Variants in RASGEF1A observed in about 807,000 individuals in gnomAD.
RASGEF1A encodes ras-GEF domain-containing family member 1A.
RASGEF1A carries 18 observed loss-of-function variants against 56.4 expected under a neutral mutation model. That is an observed-to-expected ratio of 0.32 (90% CI 0.22 to 0.47). RASGEF1A has a LOEUF of 0.47. RASGEF1A is among the 20% of genes least tolerant of loss of function. The pLI, the probability that RASGEF1A is intolerant of heterozygous loss-of-function variation, is 1.00. For synonymous variants in RASGEF1A, 245 were observed against 242.6 expected, an observed-to-expected ratio of 1.01 and a Z score of -0.09; for missense variants, 422 against 627.1, an observed-to-expected ratio of 0.67 and a Z score of 3.49.
intron 1 of RASGEF1A, among the ~76,000 whole-genome samples, chr10:43,213,400 T>G (rs528378040): frequency 4.6e-5 from 7 of 151,890 alleles, no homozygotes; most frequent in African/African-American, 7.2e-5. Context: ...GAAAAAAGCA[T>G]AGAGAGCAAG....
At chr10:43,199,555 T>C (rs1054077045) in intron 7 of RASGEF1A, 121 bp downstream of exon 7, 1 of 787,904 alleles carries the variant, frequency 1.3e-6, no homozygotes, top group Non-Finnish European at 2.1e-6. Context: ...GCCCTGACAA[T>C]GCAACAGGGA....
intron 1 of RASGEF1A, among the ~76,000 whole-genome samples, chr10:43,218,939 G>A (rs747281031): frequency 9.2e-5 from 14 of 152,314 alleles, no homozygotes; most frequent in South Asian, 2.1e-4. Context: ...TCCTCTTCAC[G>A]CTCCTCAGAT....
chr10:43,228,056 C>T (rs1365405063), intron 1 of RASGEF1A, among the ~76,000 whole-genome samples: 1 of 152,122 alleles, frequency 6.6e-6, no homozygotes, highest in African/African-American at 2.4e-5. Context: ...GGGAGCACAT[C>T]CTGCTCCACC....
intron 1 of RASGEF1A, among the ~76,000 whole-genome samples, chr10:43,241,972 C>T (rs1221722053): frequency 1.3e-5 from 2 of 152,070 alleles, no homozygotes; most frequent in Non-Finnish European, 2.9e-5. Flanking sequence ...CCCATCTCTA[C>T]TAAAAATACA....
intron 1 of RASGEF1A, among the ~76,000 whole-genome samples, chr10:43,236,420 G>A (rs139653824): frequency 3.9e-5 from 6 of 152,226 alleles, no homozygotes; most frequent in Non-Finnish European, 5.9e-5. Flanking sequence ...GCATAGGCAT[G>A]GGTGTGTGTA....
chr10:43,199,189 C>T lies in RASGEF1A; in HGVS notation c.855G>A (p.Val285=), dbSNP rs1839851687. Reference sequence around the variant, plus strand: ...ACATGCGGGTCCGGTGTTTCTTCTTCACCACCTGGAAGGTGGCAGGTGACC... The same window carrying T: ...ACATGCGGGTCCGGTGTTTCTTCTTTACCACCTGGAAGGTGGCAGGTGACC... The part of the protein sequence containing the change: ...MLVATEVCRV[V]KKKHRTRMLE... Residue 285 remains valine, a synonymous_variant, in exon 8 of 13, where the codon GTG becomes GTA. Coordinates refer to ENST00000395810, the MANE Select transcript of RASGEF1A (RefSeq NM_145313.4). The T allele has an allele frequency of 1.2e-6, 2 of 1,607,994 alleles. No individual in the cohort carries two copies. The highest frequency in any genetic ancestry group is 8.5e-7 in the Non-Finnish European group (1 of 1,176,998).
intron 1 of RASGEF1A, among the ~76,000 whole-genome samples, chr10:43,265,491 A>G (rs1200529049): frequency 1.3e-5 from 2 of 152,212 alleles, no homozygotes; most frequent in East Asian, 1.9e-4. Context: ...AAGGACACAC[A>G]CTGGCTGGAG....
intron 1 of RASGEF1A, among the ~76,000 whole-genome samples, chr10:43,253,800 C>A (rs1037012229): frequency 1.6e-4 from 25 of 152,240 alleles, no homozygotes; most frequent in African/African-American, 5.5e-4. Flanking sequence ...AAGACCCGAC[C>A]CAGCCTCTGA....
chr10:43,240,084 G>A (rs1246770596), intron 1 of RASGEF1A, among the ~76,000 whole-genome samples: 1 of 152,226 alleles, frequency 6.6e-6, no homozygotes, highest in Non-Finnish European at 1.5e-5. Context: ...TTGAGTCTCT[G>A]TGCAAGCAGG....
At chr10:43,217,490 C>T (rs1047273703) in intron 1 of RASGEF1A, among the ~76,000 whole-genome samples, 6 of 152,236 alleles carry the variant, frequency 3.9e-5, no homozygotes, top group African/African-American at 1.4e-4. Context: ...GGCTGGGTGA[C>T]CAGCCACTGC....
intron 5 of RASGEF1A, 137 bp from the exon 6 acceptor site, chr10:43,200,393 C>T: frequency 1.3e-6 from 1 of 749,074 alleles, no homozygotes; most frequent in Non-Finnish European, 2.2e-6. Context: ...AGTCCTCCAT[C>T]CTAGGGCCAC....
chr10:43,243,621 C>T (rs1840533905), intron 1 of RASGEF1A, among the ~76,000 whole-genome samples: 1 of 146,916 alleles, frequency 6.8e-6, no homozygotes, highest in Non-Finnish European at 1.5e-5. Flanking sequence ...TGAGGGGCGT[C>T]TCTGCCTGGC....
At chr10:43,257,498 A>G (rs567992086) in intron 1 of RASGEF1A, among the ~76,000 whole-genome samples, 1 of 152,160 alleles carries the variant, frequency 6.6e-6, no homozygotes, top group Non-Finnish European at 1.5e-5. Flanking sequence ...CCTCTCCTCC[A>G]CACCTCAGTC....
At position 43,254,204 on chromosome 10, in the gene RASGEF1A, C is replaced by A. The variant is rs551395946; in HGVS notation, c.-7+12641G>T. Among the ~76,000 whole-genome samples the A allele has an allele frequency of 2.6e-3, 399 of 152,274 alleles. 4 individuals carry two copies. The highest frequency in any genetic ancestry group is 8.4e-3 in the African/African-American group (349 of 41,560). ...TGGAGCCAGGACACTTCAGGGAGGG[C>A]GGGAGACAAACAGAGGGGGCCTTCA... is the stretch of plus-strand genomic sequence containing the variant. On this transcript the variant is annotated intron_variant, in intron 1 of 12. Coordinates refer to ENST00000395810, the MANE Select transcript of RASGEF1A (RefSeq NM_145313.4).
intron 1 of RASGEF1A, among the ~76,000 whole-genome samples, chr10:43,221,806 T>C (rs1216992996): frequency 6.6e-6 from 1 of 152,230 alleles, no homozygotes. Context: ...TGCTGGGCCC[T>C]GTGACACCAT....
At chr10:43,232,826 A>G (rs1840388844) in intron 1 of RASGEF1A, among the ~76,000 whole-genome samples, 1 of 152,050 alleles carries the variant, frequency 6.6e-6, no homozygotes, top group South Asian at 2.1e-4. Flanking sequence ...AGACTACTAC[A>G]CTCGCAAAGG....
intron 1 of RASGEF1A, among the ~76,000 whole-genome samples, chr10:43,228,274 A>G (rs1840309205): frequency 6.6e-6 from 1 of 151,830 alleles, no homozygotes; most frequent in Admixed American, 6.5e-5. Context: ...CTCCTTCAGC[A>G]GGTCCTGTGC....
intron 1 of RASGEF1A, among the ~76,000 whole-genome samples, chr10:43,213,965 C>T (rs1009494938): frequency 6.6e-6 from 1 of 152,158 alleles, no homozygotes; most frequent in Non-Finnish European, 1.5e-5. Context: ...CCATGCCCGT[C>T]CCCCAGGCAG....
intron 3 of RASGEF1A, 32 bp downstream of exon 3, chr10:43,203,266 C>T: frequency 2.6e-6 from 4 of 1,542,670 alleles, no homozygotes; most frequent in Non-Finnish European, 3.5e-6. Context: ...GCCCCCTGCC[C>T]CCGCCCGTGC....
Sources: allele counts gnomAD v4.1 joint callset (sites outside exome capture counted in the v4.1 genomes callset), GRCh38; gene constraint gnomAD v4.1.1; transcripts MANE v1.5; gene names NCBI Gene and HGNC (gene_info 2026-07-23, HGNC 2026-07-21).